The following LRRC38 variants were observed in gnomAD, a reference collection of about 807,000 sequenced individuals.
LRRC38 encodes the protein leucine rich repeat containing 38.
A neutral mutation model predicts 16.4 loss-of-function variants in LRRC38; 5 were observed. The observed-to-expected ratio is 0.31, with a 90% CI of 0.16 to 0.64. The LOEUF is 0.64. LRRC38 is among the 30% of genes least tolerant of loss of function. LRRC38 has a pLI of 0.80. For missense variants in LRRC38, 341 were observed against 401.8 expected, an observed-to-expected ratio of 0.85 and a Z score of 1.29; for synonymous variants, 191 against 190.2, an observed-to-expected ratio of 1.00 and a Z score of -0.04.
chr1:13,481,062 G>A (rs1638847794), intron 1 of LRRC38, among the ~76,000 whole-genome samples: 1 of 152,170 alleles, frequency 6.6e-6, no homozygotes, highest in Non-Finnish European at 1.5e-5. Context: ...CTGGGAGGCA[G>A]TTAGGGTTAG....
chr1:13,477,846 C>G (rs913329941), intron 1 of LRRC38, among the ~76,000 whole-genome samples: 1 of 152,112 alleles, frequency 6.6e-6, no homozygotes, highest in African/African-American at 2.4e-5. Context: ...TGGGAAAGAG[C>G]TCAGCATTCA....
chr1:13,492,088 A>T (rs1639019824), intron 1 of LRRC38, among the ~76,000 whole-genome samples: 1 of 151,286 alleles, frequency 6.6e-6, no homozygotes, highest in South Asian at 2.1e-4. Flanking sequence ...CCAAACTGAA[A>T]CTCTGTCCGC....
intron 1 of LRRC38, among the ~76,000 whole-genome samples, chr1:13,501,356 G>A (rs1639146926): frequency 6.6e-6 from 1 of 152,050 alleles, no homozygotes; most frequent in African/African-American, 2.4e-5. Flanking sequence ...TTTACTGTCT[G>A]CTTAATTTTC....
At chr1:13,481,913 C>T (rs903577083) in intron 1 of LRRC38, among the ~76,000 whole-genome samples, 1 of 152,100 alleles carries the variant, frequency 6.6e-6, no homozygotes, top group African/African-American at 2.4e-5. Context: ...GCACCCTGAT[C>T]TCAGACTTCC....
chr1:13,497,184 C>A (rs1308616907), intron 1 of LRRC38, among the ~76,000 whole-genome samples: 1 of 151,984 alleles, frequency 6.6e-6, no homozygotes. Flanking sequence ...ATACGGGAGC[C>A]CCTGGAGAGC....
In LRRC38 at chr1:13,513,101, G is replaced by T. The variant is rs1186347936; in HGVS notation, c.493C>A (p.Arg165Ser). The T allele has an allele frequency of 6.5e-7, 1 of 1,550,354 alleles. No individual in the cohort carries two copies. Among genetic ancestry groups the T allele is most frequent in the East Asian group, 2.4e-5 (1 of 40,884 alleles). ...GCCAGGGCGGCCACGCTGAGGCTGC[G>T]CAGGTTGTTGTCGTTGAGCTCCAGC... is the stretch of plus-strand genomic sequence containing the variant. ...QVLELNDNNL[R>S]SLSVAALAAL... Residue 165 changes from arginine (R) to serine (S), a missense_variant, in exon 1 of 2, where the codon CGC (arginine) becomes AGC (serine). Coordinates refer to ENST00000376085, the MANE Select transcript of LRRC38 (RefSeq NM_001010847.2).
At position 13,475,913 on chromosome 1, in the gene LRRC38, A is replaced by G; in HGVS notation, c.818T>C (p.Val273Ala). The change falls in exon 2 of 2, where the codon GTG becomes GCG. Residue 273 changes from valine (V) to alanine (A), a missense_variant. Physicochemically the swap from Val to Ala is moderately conservative, Grantham distance 64. Coordinates refer to ENST00000376085, the MANE Select transcript of LRRC38 (RefSeq NM_001010847.2). This position sits in a 1 kb window ranked among gnomAD's most constrained non-coding sequence, Gnocchi z 4.3. ...IISSFFLATV[V>A]QCLQRCAPNK... ...GGGTGCGCACCTCTGGAGGCACTGC[A>G]CCACAGTGGCCAGGAAGAAGCTGGA... The G allele has an allele frequency of 6.4e-7, 1 of 1,550,630 alleles. No individual in the cohort carries two copies. The highest frequency in any genetic ancestry group is 8.7e-7 in the Non-Finnish European group (1 of 1,147,018).
intron 1 of LRRC38, among the ~76,000 whole-genome samples, chr1:13,477,149 G>A (rs539524625): frequency 1.3e-5 from 2 of 152,284 alleles, no homozygotes; most frequent in East Asian, 3.9e-4. Flanking sequence ...ATGTTGCCCA[G>A]ACTTGAACTT....
At chr1:13,512,644 T>A (rs926124409) in intron 1 of LRRC38, among the ~76,000 whole-genome samples, 3 of 151,676 alleles carry the variant, frequency 2.0e-5, no homozygotes, top group Non-Finnish European at 4.4e-5. Flanking sequence ...GCATAAGTAA[T>A]CCACACCCGC....
chr1:13,490,283 C>T (rs376138480), intron 1 of LRRC38, among the ~76,000 whole-genome samples: 42 of 152,166 alleles, frequency 2.8e-4, no homozygotes, highest in African/African-American at 9.6e-4. Context: ...CTCAGCCTCC[C>T]GAGTAGCTGG....
chr1:13,513,243 G>C lies in LRRC38; in HGVS notation c.351C>G (p.Thr117=), dbSNP rs1258721423. The stretch of plus-strand genomic sequence containing the variant: ...AGCGGAAGGCGCCGGCGCCCAGCTG[G>C]GTCAAGTTGTTGTAGCTGAGGTCGA... ...VFLDLSYNNL[T]QLGAGAFRSA... The change falls in exon 1 of 2, where the codon ACC becomes ACG. Residue 117 remains threonine (T), a synonymous_variant. Transcript: ENST00000376085. 6.5e-7 allele frequency: 1 copy of C among 1,550,352 alleles called. No homozygotes were observed. The highest frequency in any genetic ancestry group is 8.7e-7 in the Non-Finnish European group (1 of 1,146,960).
In LRRC38 at chr1:13,513,104, GGTT is replaced by G; in HGVS notation, c.487_489del (p.Asn163del). 6.5e-7 allele frequency: 1 copy of G among 1,550,386 alleles called. No individual in the cohort carries two copies. ...AGGGCGGCCACGCTGAGGCTGCGCA[GGTT>G]GTTGTCGTTGAGCTCCAGCACCTGC... is the stretch of plus-strand genomic sequence containing the variant. On this transcript the variant is annotated inframe_deletion, in exon 1 of 2. Transcript: ENST00000376085.
rs148572894 is a variant in LRRC38, at chr1:13,506,046, C to G, written c.631+6917G>C. Among the ~76,000 whole-genome samples, 548 of 151,666 alleles carry G rather than the reference C, an allele frequency of 3.6e-3. 3 individuals carry two copies. Among genetic ancestry groups the G allele is most frequent in the African/African-American group, 0.012 (499 of 41,304 alleles). ...GAGCCTCTGGGGATTCAAGGAAGAA[C>G]AAGACACATGTTGCCTCCTCAAAAA... On this transcript the variant is annotated intron_variant, in intron 1 of 1. Coordinates refer to ENST00000376085, the MANE Select transcript of LRRC38 (RefSeq NM_001010847.2).
At chr1:13,506,702 G>A (rs1029588318) in intron 1 of LRRC38, among the ~76,000 whole-genome samples, 3 of 152,092 alleles carry the variant, frequency 2.0e-5, no homozygotes, top group Non-Finnish European at 2.9e-5. Flanking sequence ...CAGGTGATTC[G>A]CCCGCCTTGG....
chr1:13,498,229 A>AAAAAC (rs939073058), intron 1 of LRRC38, among the ~76,000 whole-genome samples: 1 of 145,130 alleles, frequency 6.9e-6, no homozygotes, highest in African/African-American at 2.6e-5. Context: ...CCCCCAACCA[A>AAAAAC]AAAACAAAAC....
intron 1 of LRRC38, among the ~76,000 whole-genome samples, chr1:13,502,618 T>C (rs1332941637): frequency 6.6e-6 from 1 of 152,254 alleles, no homozygotes; most frequent in Non-Finnish European, 1.5e-5. Context: ...AGATGAGGAA[T>C]GGTCTATAAA....
At chr1:13,495,486 G>A (rs1482755588) in intron 1 of LRRC38, among the ~76,000 whole-genome samples, 3 of 152,050 alleles carry the variant, frequency 2.0e-5, no homozygotes, top group Non-Finnish European at 4.4e-5. Flanking sequence ...GGTGGGGAGG[G>A]GGAGGGAGGG....
chr1:13,485,614 C>T (rs184309173), intron 1 of LRRC38, among the ~76,000 whole-genome samples: 2 of 152,086 alleles, frequency 1.3e-5, no homozygotes, highest in East Asian at 1.9e-4. Flanking sequence ...ATTGCCGGGA[C>T]ACTAAGACCC....
chr1:13,478,163 G>T (rs1638810169), intron 1 of LRRC38, among the ~76,000 whole-genome samples: 1 of 152,182 alleles, frequency 6.6e-6, no homozygotes, highest in Non-Finnish European at 1.5e-5. Context: ...AGTTATAAGA[G>T]AATGAATGGT....
Sources: gnomAD v4.1 joint callset for allele counts (sites outside exome capture counted in the v4.1 genomes callset) on GRCh38, gnomAD v4.1.1 for gene constraint, Gnocchi (gnomAD v3.1) non-coding constraint, MANE v1.5 for transcripts, NCBI Gene and HGNC (gene_info 2026-07-23, HGNC 2026-07-21) for gene names.